SLC12A8: variants seen among roughly 807,000 people sequenced by gnomAD.
The protein encoded by SLC12A8 is solute carrier family 12 member 8.
Under a neutral mutation model 75.6 loss-of-function variants are expected in SLC12A8, and 69 were observed. The ratio of observed to expected loss-of-function variants is 0.91; its 90% confidence interval spans 0.75 to 1.11. The LOEUF is 1.11. Among genes scored for constraint, SLC12A8 ranks in the 50% most tolerant of loss-of-function variants. The pLI, the probability that SLC12A8 is intolerant of heterozygous loss-of-function variation, is 0.00. For synonymous variants in SLC12A8, 365 were observed against 372.8 expected (o/e 0.98, Z 0.24); for missense variants, 877 against 896.7 (o/e 0.98, Z 0.28).
intron 5 of SLC12A8, among the ~76,000 whole-genome samples, chr3:125,152,070 C>A (rs867310996): frequency 1.3e-5 from 2 of 152,318 alleles, no homozygotes; most frequent in African/African-American, 4.8e-5. Flanking sequence ...CTGATAATGT[C>A]TGAGCAGATT....
At chr3:125,205,140 A>G (rs1935201859) in intron 2 of SLC12A8, among the ~76,000 whole-genome samples, 1 of 152,162 alleles carries the variant, frequency 6.6e-6, no homozygotes. Context: ...TCAAACTGCC[A>G]GTCCTAAGCT....
At position 125,185,759 on chromosome 3, in the gene SLC12A8, C is replaced by T. The variant is rs1287072951; in HGVS notation, c.390+1478G>A. 2.0e-5 allele frequency among the ~76,000 whole-genome samples: 3 copies of T among 152,174 alleles called. No individual in the cohort carries two copies. In the East Asian group the frequency reaches 5.8e-4, roughly 29 times the overall value. On this transcript the variant is annotated intron_variant, in intron 4 of 13. Transcript: ENST00000469902. The stretch of plus-strand genomic sequence containing the variant: ...TCAGCAATTTATAAAAAGGATTACA[C>T]ACTAACCACACCCTGATCAGGGACT...
intron 2 of SLC12A8, among the ~76,000 whole-genome samples, chr3:125,195,168 G>A (rs1183322768): frequency 6.6e-6 from 1 of 152,270 alleles, no homozygotes; most frequent in Non-Finnish European, 1.5e-5. Context: ...AGACAAAGAA[G>A]TCTTTTGACT....
At chr3:125,193,843 T>A (rs1001126837) in intron 2 of SLC12A8, among the ~76,000 whole-genome samples, 1 of 152,054 alleles carries the variant, frequency 6.6e-6, no homozygotes, top group East Asian at 1.9e-4. Context: ...GCTGGGGTGA[T>A]GGTTGCTGAA....
intron 8 of SLC12A8, chr3:125,110,754 A>G (rs1939166578): frequency 6.4e-6 from 1 of 156,680 alleles, no homozygotes; most frequent in Admixed American, 6.3e-5. Flanking sequence ...TCACCCTTAA[A>G]GATGAGTTTA....
In SLC12A8 at chr3:125,184,003, C is replaced by T. The variant is rs185623817; in HGVS notation, c.390+3234G>A. On this transcript the variant is annotated intron_variant, in intron 4 of 13. Transcript: ENST00000469902. ...TTATTATTATTTTGAAATGGAGTAT[C>T]GCTCTGTCACCCAGGCTGGAGTGCA... 4.0e-4 allele frequency among the ~76,000 whole-genome samples: 60 copies of T among 151,798 alleles called. 1 individual carries two copies. In the East Asian group the frequency reaches 0.01, roughly 26 times the overall value.
intron 5 of SLC12A8, among the ~76,000 whole-genome samples, chr3:125,170,828 T>C (rs1934392353): frequency 6.6e-6 from 1 of 152,150 alleles, no homozygotes; most frequent in African/African-American, 2.4e-5. Flanking sequence ...GGCAGGAGAA[T>C]GGCGTGAACC....
intron 2 of SLC12A8, among the ~76,000 whole-genome samples, chr3:125,202,614 G>A (rs1275046242): frequency 2.0e-5 from 3 of 149,614 alleles, no homozygotes; most frequent in East Asian, 2.0e-4. Context: ...ATAGCTAGGC[G>A]GAATGTATTA....
At chr3:125,212,636 G>A (rs1935360218) in intron 1 of SLC12A8, 64 bp downstream of exon 1, 2 of 152,574 alleles carry the variant, frequency 1.3e-5, no homozygotes, top group Non-Finnish European at 2.9e-5. Context: ...TCCTAACTGC[G>A]GGCCGGGGAG....
intron 4 of SLC12A8, among the ~76,000 whole-genome samples, chr3:125,183,185 AC>A (rs1425191326): frequency 6.6e-6 from 1 of 152,096 alleles, no homozygotes; most frequent in Non-Finnish European, 1.5e-5. Context: ...CAGAGGCGGT[AC>A]CCCTTCCAAC....
chr3:125,119,048 A>C, intron 7 of SLC12A8, 192 bp from the exon 8 acceptor site: 1 of 491,510 alleles, frequency 2.0e-6, no homozygotes, highest in Admixed American at 3.5e-5. Context: ...TTTCTTACCA[A>C]AAAAGGGGTA....
At position 125,190,364 on chromosome 3, in the gene SLC12A8, T is replaced by A. The variant is rs538665691; in HGVS notation, c.198+11A>T. The A allele has an allele frequency of 1.2e-6, 2 of 1,613,912 alleles. No homozygotes were observed. The highest frequency in any genetic ancestry group is 2.2e-5 in the East Asian group (1 of 44,874). On this transcript the variant is annotated intron_variant, in intron 3 of 13. Transcript: ENST00000469902. ...CCGTGAGAGGCTCCAGGCCACCAAC[T>A]CAGCACTCACCACCAGCCAGCCAGT...
chr3:125,157,065 G>C (rs538753016), intron 5 of SLC12A8, among the ~76,000 whole-genome samples: 2 of 151,978 alleles, frequency 1.3e-5, no homozygotes, highest in East Asian at 3.9e-4. Context: ...ACTTCTGAAT[G>C]TTGCTACATT....
At chr3:125,103,605 C>T (rs1938941477) in intron 10 of SLC12A8, among the ~76,000 whole-genome samples, 1 of 152,026 alleles carries the variant, frequency 6.6e-6, no homozygotes, top group Admixed American at 6.5e-5. Flanking sequence ...GCTGGAACTA[C>T]AGGCATGTGT....
chr3:125,091,275 A>T (rs1289678257), intron 12 of SLC12A8, among the ~76,000 whole-genome samples, 164 bp downstream of exon 12: 1 of 152,196 alleles, frequency 6.6e-6, no homozygotes, highest in Non-Finnish European at 1.5e-5. Context: ...ATTGGTAATC[A>T]TTCATGTGCT....
intron 5 of SLC12A8, among the ~76,000 whole-genome samples, chr3:125,161,464 A>T (rs631333): frequency 2.6e-5 from 4 of 152,118 alleles, no homozygotes; most frequent in Non-Finnish European, 4.4e-5. Context: ...ACTGTTCATG[A>T]GTGTTTCACA....
At chr3:125,184,164 T>C (rs1934725139) in intron 4 of SLC12A8, among the ~76,000 whole-genome samples, 1 of 152,052 alleles carries the variant, frequency 6.6e-6, no homozygotes, top group African/African-American at 2.4e-5. Flanking sequence ...AGAGACAGGG[T>C]TTCACTATGT....
chr3:125,128,696 G>A (rs545266830), intron 6 of SLC12A8, among the ~76,000 whole-genome samples: 2 of 152,288 alleles, frequency 1.3e-5, no homozygotes, highest in East Asian at 3.9e-4. Context: ...CAGAATGAAG[G>A]GAGTGGAGTG....
At chr3:125,140,551 A>G (rs1323543230) in intron 5 of SLC12A8, among the ~76,000 whole-genome samples, 2 of 152,022 alleles carry the variant, frequency 1.3e-5, no homozygotes, top group Non-Finnish European at 2.9e-5. Flanking sequence ...GTGGAACACC[A>G]TGTGCCTACC....
Sources: gnomAD v4.1 joint callset for allele counts (sites outside exome capture counted in the v4.1 genomes callset) on GRCh38, gnomAD v4.1.1 for gene constraint, MANE v1.5 for transcripts, NCBI Gene and HGNC (gene_info 2026-07-23, HGNC 2026-07-21) for gene names.